NAAA: variants seen among roughly 807,000 people sequenced by gnomAD.
NAAA encodes N-acylethanolamine acid amidase.
Under a neutral mutation model 44.8 loss-of-function variants are expected in NAAA, and 39 were observed. That is an observed-to-expected ratio of 0.87 (90% confidence interval 0.67 to 1.14). The LOEUF is 1.14. Among genes scored for constraint, NAAA ranks in the 50% most tolerant of loss-of-function variants. The pLI is 0.00. For synonymous variants in NAAA, 178 were observed against 191.3 expected, an observed-to-expected ratio of 0.93 and a Z score of 0.58; for missense variants, 460 against 467.8, an observed-to-expected ratio of 0.98 and a Z score of 0.15.
chr4:75,926,320 G>A (rs1726682753), intron 4 of NAAA, among the ~76,000 whole-genome samples: 1 of 152,072 alleles, frequency 6.6e-6, no homozygotes, highest in Non-Finnish European at 1.5e-5. Context: ...CAGCACTTTG[G>A]GAGGCCGAGG....
At position 75,939,984 on chromosome 4, in the gene NAAA, G is replaced by C. The variant is rs6847716; in HGVS notation, c.371+17C>G. 1,451,836 of 1,610,876 alleles carry C rather than the reference G, an allele frequency of 0.9. 659,508 individuals are homozygous for C. The highest frequency in any genetic ancestry group is 0.94 in the East Asian group (42,282 of 44,776). On this transcript the variant is annotated intron_variant, in intron 2 of 10. Transcript: ENST00000286733. ...CCGCAAGCCCCGCGTTACTCCGCGC[G>C]GGCTTGGGGCACTCACACGGAGGAC...
chr4:75,934,939 C>T (rs552541616), intron 3 of NAAA: 2 of 143,920 alleles, frequency 1.4e-5, no homozygotes, highest in South Asian at 4.4e-4. Flanking sequence ...ATTCCTTTGT[C>T]TCTTTATTAA....
At chr4:75,922,961 A>T (rs1345304230) in intron 5 of NAAA, among the ~76,000 whole-genome samples, 1 of 151,158 alleles carries the variant, frequency 6.6e-6, no homozygotes, top group Non-Finnish European at 1.5e-5. Flanking sequence ...AGGGAGTGCA[A>T]ATGCATCTAT....
downstream of NAAA, among the ~76,000 whole-genome samples, chr4:75,912,073 C>A (rs754922364): frequency 6.6e-6 from 1 of 152,110 alleles, no homozygotes; most frequent in Non-Finnish European, 1.5e-5. Flanking sequence ...TTTGCAAAGG[C>A]GGTTTCAACA....
chr4:75,926,506 A>G (rs1726704415), intron 4 of NAAA, among the ~76,000 whole-genome samples: 1 of 146,554 alleles, frequency 6.8e-6, no homozygotes, highest in Admixed American at 7.0e-5. Flanking sequence ...GGTTGCAGTG[A>G]GCCAAGATCA....
Position 75,931,281 on chromosome 4 carries a change from A to G in NAAA, c.522T>C (p.Phe174=), listed in dbSNP as rs778243711. 3 of 1,611,650 alleles carry G rather than the reference A, an allele frequency of 1.9e-6. No individual in the cohort carries two copies. In the South Asian group the frequency reaches 3.3e-5, roughly 18 times the overall value. ...NGQIAFTGTT[F]IGYVGLWTGQ... ...CAGTCCATAATCCTACATAGCCAAT[A>G]AAAGTAGTTCCTGTGAATGCAATCT... The change falls in exon 4 of 11, where the codon TTT becomes TTC. Residue 174 remains phenylalanine, a synonymous_variant. Transcript: ENST00000286733.
intron 4 of NAAA, among the ~76,000 whole-genome samples, chr4:75,930,703 C>A (rs770213683): frequency 3.3e-5 from 5 of 152,326 alleles, no homozygotes; most frequent in Middle Eastern, 3.4e-3. Flanking sequence ...AATCCCCCTA[C>A]AGCTTCCATT....
In NAAA at chr4:75,940,996, G is replaced by T; in HGVS notation, c.-47C>A. 7.0e-7 allele frequency: 1 copy of T among 1,429,060 alleles called. No homozygotes were observed. Among genetic ancestry groups the T allele is most frequent in the Non-Finnish European group, 9.1e-7 (1 of 1,100,864 alleles). 88.5% of individuals were successfully genotyped at this position (1,429,060 alleles called of 1,614,324 possible). On this transcript the variant is annotated 5_prime_UTR_variant, in exon 1 of 11. Transcript: ENST00000286733. ...AACTTGGAGACCTGCAGCCGCTGTCGGAGCCCGGGTAAGCCGTGGAGGAGG... is the reference window on the plus strand; with the variant it reads ...AACTTGGAGACCTGCAGCCGCTGTCTGAGCCCGGGTAAGCCGTGGAGGAGG...
intron 2 of NAAA, among the ~76,000 whole-genome samples, chr4:75,939,571 A>G (rs1728043848): frequency 6.6e-6 from 1 of 151,642 alleles, no homozygotes; most frequent in Admixed American, 6.6e-5. Context: ...GCCCACCACC[A>G]CGCCTGGCTA....
At chr4:75,933,586 T>TA (rs1292006167) in intron 3 of NAAA, among the ~76,000 whole-genome samples, 16 of 152,338 alleles carry the variant, frequency 1.1e-4, no homozygotes, top group South Asian at 2.1e-4. Context: ...ATCGTAGTTT[T>TA]CAATTACGAT....
chr4:75,932,136 G>A (rs1727284028), intron 3 of NAAA, among the ~76,000 whole-genome samples: 1 of 152,342 alleles, frequency 6.6e-6, no homozygotes, highest in South Asian at 2.1e-4. Flanking sequence ...GGCTGAGGCA[G>A]GAGAATCACT....
rs1578084454 is a variant in NAAA at position 75,935,970 on chromosome 4, C to T, written c.498+139G>A. 6 of 951,594 alleles carry T rather than the reference C, an allele frequency of 6.3e-6. No individual in the cohort carries two copies. In the East Asian group the frequency reaches 1.5e-4, roughly 24 times the overall value. 58.9% of individuals were successfully genotyped at this position (951,594 alleles called of 1,614,324 possible). On this transcript the variant is annotated intron_variant, in intron 3 of 10. Coordinates refer to ENST00000286733, the MANE Select transcript of NAAA (RefSeq NM_014435.4). Reference sequence around the variant, plus strand: ...AGCATAATTGATGCAAACCTCTCTTCTGGCTTTGTTTTTCCAGGGGTGTGA... The same window carrying T: ...AGCATAATTGATGCAAACCTCTCTTTTGGCTTTGTTTTTCCAGGGGTGTGA...
intron 3 of NAAA, among the ~76,000 whole-genome samples, chr4:75,933,979 G>A (rs1247479457): frequency 4.0e-5 from 6 of 151,526 alleles, no homozygotes; most frequent in East Asian, 1.9e-4. Context: ...GCAGTGAGCC[G>A]AGATCGCGCC....
intron 5 of NAAA, among the ~76,000 whole-genome samples, chr4:75,923,955 T>C (rs1239454668): frequency 2.0e-5 from 3 of 152,214 alleles, no homozygotes; most frequent in Non-Finnish European, 4.4e-5. Context: ...CAGCTTTTCA[T>C]GCCCTATGCA....
chr4:75,938,645 T>C (rs753938766), intron 2 of NAAA, among the ~76,000 whole-genome samples: 4 of 152,174 alleles, frequency 2.6e-5, no homozygotes, highest in Non-Finnish European at 5.9e-5. Context: ...ACCCCCATCA[T>C]CTTTAGGCAG....
chr4:75,931,781 T>TTTTTC lies in NAAA; in HGVS notation c.499-478_499-477insGAAAA, dbSNP rs1410916718. 2.6e-5 allele frequency among the ~76,000 whole-genome samples: 4 copies of TTTTTC among 152,222 alleles called. No homozygotes were observed. The East Asian group carries it at 7.7e-4, about 29-fold the overall frequency. On this transcript the variant is annotated intron_variant, in intron 3 of 10. Coordinates refer to ENST00000286733, the MANE Select transcript of NAAA (RefSeq NM_014435.4). ...TACTATTTAATGTGTTAAGAAAAAG[T>TTTTTC]ATAACATTGAAATGGCTGTTTTCAA...
At chr4:75,935,885 CTGGGTGA>C in intron 3 of NAAA, 1 of 593,196 alleles carries the variant, frequency 1.7e-6, no homozygotes, top group Non-Finnish European at 2.9e-6. Flanking sequence ...CTATGGAAAA[CTGGGTGA>C]CCTCTTTAAG....
At chr4:75,933,345 A>G (rs1727411230) in intron 3 of NAAA, among the ~76,000 whole-genome samples, 1 of 152,130 alleles carries the variant, frequency 6.6e-6, no homozygotes, top group Non-Finnish European at 1.5e-5. Context: ...GGGAGAATGC[A>G]GTGTCCTTAG....
At chr4:75,931,401 T>C in intron 3 of NAAA, 97 bp from the exon 4 acceptor site, 2 of 868,704 alleles carry the variant, frequency 2.3e-6, no homozygotes, top group East Asian at 2.6e-5. Flanking sequence ...TTTTTTCTTA[T>C]AAATTCCAAC....
Sources: gnomAD v4.1 joint callset for allele counts (sites outside exome capture counted in the v4.1 genomes callset) on GRCh38, gnomAD v4.1.1 for gene constraint, MANE v1.5 for transcripts, NCBI Gene and HGNC (gene_info 2026-07-23, HGNC 2026-07-21) for gene names.